The following MTUS2 variants were observed in gnomAD, a reference collection of about 807,000 sequenced individuals.
The protein encoded by MTUS2 is microtubule associated scaffold protein 2, also known as microtubule-associated tumor suppressor candidate 2.
MTUS2 carries 40 observed loss-of-function variants against 114.1 expected under a neutral mutation model. The ratio of observed to expected loss-of-function variants is 0.35; its 90% CI spans 0.27 to 0.46. MTUS2 has a LOEUF of 0.46. MTUS2 is among the 20% of genes least tolerant of loss of function. The pLI is 1.00. For missense variants in MTUS2, 1,679 were observed against 1,705.4 expected (o/e 0.98, Z 0.27); for synonymous variants, 688 against 672.0 (o/e 1.02, Z -0.37).
At chr13:29,215,506 G>A (rs1212879201) in intron 5 of MTUS2, among the ~76,000 whole-genome samples, 3 of 130,148 alleles carry the variant, frequency 2.3e-5, no homozygotes, top group African/African-American at 8.6e-5. Context: ...CCCCATCTTT[G>A]TGGATTTATC....
chr13:29,145,325 G>C (rs534591308), intron 5 of MTUS2, among the ~76,000 whole-genome samples: 28 of 152,188 alleles, frequency 1.8e-4, no homozygotes, highest in African/African-American at 6.7e-4. Context: ...TTCAAGACCA[G>C]CCTGGCCGGG....
At chr13:29,106,471 G>A (rs1890672584) in intron 5 of MTUS2, among the ~76,000 whole-genome samples, 1 of 152,096 alleles carries the variant, frequency 6.6e-6, no homozygotes, top group Admixed American at 6.5e-5. Flanking sequence ...GCAATTCTCT[G>A]CCTCAGCCTC....
intron 2 of MTUS2, among the ~76,000 whole-genome samples, chr13:29,002,430 A>G (rs1256016474): frequency 5.9e-5 from 9 of 152,172 alleles, no homozygotes; most frequent in Admixed American, 2.6e-4. Context: ...ACTATATACT[A>G]TATGCTTTTC....
intron 5 of MTUS2, among the ~76,000 whole-genome samples, chr13:29,210,248 T>A (rs1593607497): frequency 6.6e-6 from 1 of 152,080 alleles, no homozygotes; most frequent in African/African-American, 2.4e-5. Context: ...TTGTGTTTCT[T>A]TAAGTGTGTC....
chr13:29,398,082 A>G (rs1326466644), intron 8 of MTUS2, among the ~76,000 whole-genome samples: 3 of 152,236 alleles, frequency 2.0e-5, no homozygotes, highest in Admixed American at 6.5e-5. Context: ...GTAAATACAC[A>G]TATCTGTTAT....
chr13:29,500,949 C>T (rs1411697583), intron 14 of MTUS2, 148 bp from the exon 15 acceptor site: 5 of 586,622 alleles, frequency 8.5e-6, no homozygotes, highest in Non-Finnish European at 1.5e-5. Context: ...ATTCCTCTGA[C>T]CTGATTTTAA....
At chr13:29,275,891 G>A (rs1898045610) in intron 5 of MTUS2, among the ~76,000 whole-genome samples, 1 of 152,210 alleles carries the variant, frequency 6.6e-6, no homozygotes, top group Non-Finnish European at 1.5e-5. Flanking sequence ...GTACTTAGGA[G>A]TGGGATATAT....
intron 5 of MTUS2, among the ~76,000 whole-genome samples, chr13:29,264,551 G>A (rs975293702): frequency 7.2e-5 from 11 of 152,374 alleles, no homozygotes; most frequent in Middle Eastern, 3.4e-3. Flanking sequence ...GCAGGCTCCC[G>A]CCTGGATATC....
At chr13:29,245,972 C>T (rs930809207) in intron 5 of MTUS2, among the ~76,000 whole-genome samples, 2 of 152,318 alleles carry the variant, frequency 1.3e-5, no homozygotes, top group African/African-American at 4.8e-5. Flanking sequence ...GCTGGGATTA[C>T]AGGCGTGAGC....
At chr13:29,118,399 C>T (rs73445115) in intron 5 of MTUS2, among the ~76,000 whole-genome samples, 2,275 of 152,220 alleles carry the variant, frequency 0.015, 62 homozygotes, top group African/African-American at 0.05. Flanking sequence ...CCGTGATGCA[C>T]AGCAGGGTAA....
At chr13:29,388,426 C>T (rs901616816) in intron 8 of MTUS2, among the ~76,000 whole-genome samples, 4 of 150,722 alleles carry the variant, frequency 2.7e-5, no homozygotes, top group African/African-American at 9.8e-5. Flanking sequence ...CATCTAGTTG[C>T]CCTCATTTGT....
chr13:28,934,715 GT>G (rs1173915971), intron 2 of MTUS2, among the ~76,000 whole-genome samples: 1 of 152,126 alleles, frequency 6.6e-6, no homozygotes, highest in Non-Finnish European at 1.5e-5. Flanking sequence ...TAGAGATGGG[GT>G]TTCTCCATGT....
intron 2 of MTUS2, among the ~76,000 whole-genome samples, chr13:28,884,263 G>A (rs540992587): frequency 8.5e-5 from 13 of 152,262 alleles, no homozygotes; most frequent in Non-Finnish European, 1.3e-4. Flanking sequence ...AGGTATGAAC[G>A]AACCTTGAGG....
chr13:29,379,003 A>G (rs1871976296), intron 8 of MTUS2, among the ~76,000 whole-genome samples: 1 of 152,156 alleles, frequency 6.6e-6, no homozygotes. Context: ...TGATGGTTTT[A>G]TAAAGGGCTT....
At chr13:29,389,233 G>A (rs1048310525) in intron 8 of MTUS2, among the ~76,000 whole-genome samples, 1 of 147,334 alleles carries the variant, frequency 6.8e-6, no homozygotes, top group Non-Finnish European at 1.5e-5. Flanking sequence ...ATGTATATAT[G>A]TATGTGTGTA....
chr13:28,943,442 T>A (rs1474634203), intron 2 of MTUS2, among the ~76,000 whole-genome samples: 1 of 152,178 alleles, frequency 6.6e-6, no homozygotes, highest in Admixed American at 6.6e-5. Context: ...ACAGTTCAGT[T>A]TCTTAGTACA....
chr13:29,334,518 G>A (rs1317908212), intron 7 of MTUS2, among the ~76,000 whole-genome samples: 1 of 152,148 alleles, frequency 6.6e-6, no homozygotes, highest in Non-Finnish European at 1.5e-5. Context: ...TAAGCATGTT[G>A]AATATTGGCC....
chr13:28,868,175 A>G (rs1877410854), intron 2 of MTUS2, among the ~76,000 whole-genome samples: 1 of 152,188 alleles, frequency 6.6e-6, no homozygotes, highest in Non-Finnish European at 1.5e-5. Flanking sequence ...AGGATTTTGG[A>G]TGTGCATTTT....
intron 5 of MTUS2, among the ~76,000 whole-genome samples, chr13:29,224,661 A>C (rs1217173409): frequency 6.6e-6 from 1 of 152,138 alleles, no homozygotes; most frequent in East Asian, 1.9e-4. Context: ...CTGGTCCATA[A>C]ATTTAATTCT....
Sources: gnomAD v4.1 joint callset for allele counts (sites outside exome capture counted in the v4.1 genomes callset) on GRCh38, gnomAD v4.1.1 for gene constraint, MANE v1.5 for transcripts, NCBI Gene and HGNC (gene_info 2026-07-23, HGNC 2026-07-21) for gene names.